SLCO6A1: variants seen among roughly 807,000 people sequenced by gnomAD.
SLCO6A1 encodes the protein solute carrier organic anion transporter family member 6A1.
SLCO6A1 carries 65 observed loss-of-function variants against 72.7 expected under a neutral mutation model. That is an observed-to-expected ratio of 0.89 (90% CI 0.73 to 1.10). The LOEUF is 1.10. SLCO6A1 is among the 50% of genes least tolerant of loss of function. SLCO6A1 has a pLI of 0.00. For synonymous variants in SLCO6A1, 314 were observed against 298.2 expected, an observed-to-expected ratio of 1.05 and a Z score of -0.55; for missense variants, 874 against 872.6, an observed-to-expected ratio of 1.00 and a Z score of -0.02.
intron 6 of SLCO6A1, 76 bp from the exon 7 acceptor site, chr5:102,438,837 T>G: frequency 9.3e-7 from 1 of 1,077,150 alleles, no homozygotes; most frequent in Non-Finnish European, 1.3e-6. Flanking sequence ...CAAATGCTAA[T>G]GATCTGTCTA....
chr5:102,462,865 A>C (rs1309001019), intron 4 of SLCO6A1, among the ~76,000 whole-genome samples: 1 of 152,172 alleles, frequency 6.6e-6, no homozygotes, highest in Admixed American at 6.5e-5. Flanking sequence ...ATGTTGGCTT[A>C]GGCAAAGAGT....
chr5:102,475,843 T>C (rs976995139), intron 3 of SLCO6A1, 50 bp from the exon 4 acceptor site: 33 of 1,391,314 alleles, frequency 2.4e-5, no homozygotes, highest in Non-Finnish European at 3.1e-5. Flanking sequence ...ATAAGCCAGC[T>C]TCGTTATGAT....
At chr5:102,442,964 A>C (rs1395441100) in intron 6 of SLCO6A1, among the ~76,000 whole-genome samples, 1 of 152,124 alleles carries the variant, frequency 6.6e-6, no homozygotes, top group East Asian at 1.9e-4. Context: ...TTGAGAGGTC[A>C]AGGCGGGTGG....
intron 7 of SLCO6A1, among the ~76,000 whole-genome samples, chr5:102,420,431 A>G (rs1349349025): frequency 2.0e-5 from 3 of 152,346 alleles, no homozygotes; most frequent in Admixed American, 6.5e-5. Flanking sequence ...TGTTAACAAG[A>G]ATTGAACCAA....
At chr5:102,418,808 C>G (rs6893171) in intron 8 of SLCO6A1, among the ~76,000 whole-genome samples, 2,594 of 152,194 alleles carry the variant, frequency 0.017, 51 homozygotes, top group African/African-American at 0.046. Flanking sequence ...CAGAGCATCA[C>G]AATATGGCTG....
intron 1 of SLCO6A1, among the ~76,000 whole-genome samples, chr5:102,492,870 G>C (rs1157189662): frequency 6.6e-6 from 1 of 152,184 alleles, no homozygotes; most frequent in Non-Finnish European, 1.5e-5. Flanking sequence ...GGCTTGAGTA[G>C]GTAAACAAAG....
rs1050750251 is a variant in SLCO6A1 at position 102,434,689 on chromosome 5, A to G, written c.1276+3928T>C. Among the ~76,000 whole-genome samples the G allele has an allele frequency of 2.5e-4, 38 of 152,190 alleles. 1 individual carries two copies. Among genetic ancestry groups the G allele is most frequent in the Non-Finnish European group, 7.3e-5 (5 of 68,036 alleles). ...CGTGGCTTTCTGTAGCTGCAAGCTG[A>G]AGTAGGTTTAAAGACAGCTCCATAG... On this transcript the variant is annotated intron_variant, in intron 7 of 13. Transcript: ENST00000506729.
chr5:102,460,497 T>C (rs76584864), intron 4 of SLCO6A1, among the ~76,000 whole-genome samples: 1 of 152,308 alleles, frequency 6.6e-6, no homozygotes, highest in African/African-American at 2.4e-5. Flanking sequence ...GCATACTTTG[T>C]CTTCAGTTAA....
At chr5:102,404,864 G>A (rs1435937139) in intron 9 of SLCO6A1, among the ~76,000 whole-genome samples, 3 of 152,032 alleles carry the variant, frequency 2.0e-5, no homozygotes, top group South Asian at 2.1e-4. Context: ...AAAGAGCAAG[G>A]ATGAGAAGAG....
chr5:102,447,694 G>C (rs910176580), intron 6 of SLCO6A1, among the ~76,000 whole-genome samples: 12 of 152,064 alleles, frequency 7.9e-5, no homozygotes, highest in African/African-American at 2.9e-4. Context: ...AGGGTTTTTT[G>C]TATAACTGTG....
intron 9 of SLCO6A1, among the ~76,000 whole-genome samples, chr5:102,400,702 A>T (rs7721242): frequency 0.026 from 4,010 of 152,234 alleles, 130 homozygotes; most frequent in African/African-American, 0.079. Flanking sequence ...TAGTGAAAAA[A>T]TAAGAGAAAT....
intron 12 of SLCO6A1, among the ~76,000 whole-genome samples, chr5:102,382,094 T>C (rs536149655): frequency 6.6e-6 from 1 of 151,520 alleles, no homozygotes; most frequent in Admixed American, 6.6e-5. Context: ...TCCTATTGTC[T>C]ATTTTTGCTT....
chr5:102,385,116 T>C (rs768010778), intron 12 of SLCO6A1, among the ~76,000 whole-genome samples: 9 of 152,182 alleles, frequency 5.9e-5, no homozygotes, highest in Non-Finnish European at 1.3e-4. Context: ...GTTTCTTTCT[T>C]TCAGCACGTT....
chr5:102,465,458 A>T (rs563197737), intron 4 of SLCO6A1, among the ~76,000 whole-genome samples: 1 of 151,978 alleles, frequency 6.6e-6, no homozygotes, highest in South Asian at 2.1e-4. Flanking sequence ...TCCCATGCTT[A>T]TTTCCCCACT....
chr5:102,399,149 C>A (rs1747260400), intron 10 of SLCO6A1, among the ~76,000 whole-genome samples: 1 of 151,984 alleles, frequency 6.6e-6, no homozygotes, highest in Non-Finnish European at 1.5e-5. Context: ...AGTTATTATG[C>A]TCCTTTGTTG....
intron 1 of SLCO6A1, among the ~76,000 whole-genome samples, chr5:102,488,142 G>A (rs551361504): frequency 6.6e-6 from 1 of 152,202 alleles, no homozygotes; most frequent in African/African-American, 2.4e-5. Context: ...ATTAAACAAA[G>A]TAAGGGAAAA....
chr5:102,488,552 A>G (rs2112853371), intron 1 of SLCO6A1, among the ~76,000 whole-genome samples: 1 of 152,218 alleles, frequency 6.6e-6, no homozygotes, highest in East Asian at 1.9e-4. Context: ...AAAGTTAAAA[A>G]ATACTTTTAG....
chr5:102,491,312 A>G (rs1057217006), intron 1 of SLCO6A1, among the ~76,000 whole-genome samples: 4 of 152,230 alleles, frequency 2.6e-5, no homozygotes, highest in Non-Finnish European at 2.9e-5. Flanking sequence ...CAGACTCAGG[A>G]GCCCAGATGG....
intron 5 of SLCO6A1, 93 bp from the exon 6 acceptor site, chr5:102,458,584 A>C (rs1001084105): frequency 1.3e-6 from 1 of 762,724 alleles, no homozygotes; most frequent in Non-Finnish European, 2.1e-6. Context: ...AATTCAATTA[A>C]TCCTGAAATG....
Sources: allele counts gnomAD v4.1 joint callset (sites outside exome capture counted in the v4.1 genomes callset), GRCh38; gene constraint gnomAD v4.1.1; transcripts MANE v1.5; gene names NCBI Gene and HGNC (gene_info 2026-07-23, HGNC 2026-07-21).